METTL6: variants seen among roughly 807,000 people sequenced by gnomAD.
METTL6 encodes tRNA N(3)-cytidine methyltransferase METTL6.
METTL6 carries 22 observed loss-of-function variants against 26.4 expected under a neutral mutation model. The observed-to-expected ratio is 0.83, with a 90% confidence interval of 0.59 to 1.19. The LOEUF is 1.19. Among genes scored for constraint, METTL6 ranks in the 50% most tolerant of loss-of-function variants. The pLI is 0.00. For missense variants in METTL6, 304 were observed against 324.8 expected (o/e 0.94, Z 0.49); for synonymous variants, 109 against 116.2 (o/e 0.94, Z 0.40).
chr3:15,427,503 T>G lies in METTL6; in HGVS notation c.-226A>C. Reference sequence around the variant, plus strand: ...ACCACGAATTCGGATTATCCGGGAGTTCTTTTGCCATGGCACCGCCCCCGC... The same window carrying G: ...ACCACGAATTCGGATTATCCGGGAGGTCTTTTGCCATGGCACCGCCCCCGC... On this transcript the variant is annotated 5_prime_UTR_variant, in exon 1 of 6. Transcript: ENST00000383790. The G allele has an allele frequency of 6.1e-6, 3 of 494,100 alleles. No homozygotes were observed. Among genetic ancestry groups the G allele is most frequent in the East Asian group, 4.0e-5 (1 of 25,030 alleles). 30.6% of individuals were successfully genotyped at this position (494,100 alleles called of 1,614,324 possible). A position where few individuals can be genotyped will look rare whatever the true frequency, so the allele number is the denominator to read the frequency against.
intron 3 of METTL6, among the ~76,000 whole-genome samples, chr3:15,418,644 C>T (rs2061544554): frequency 6.6e-6 from 1 of 152,004 alleles, no homozygotes; most frequent in African/African-American, 2.4e-5. Context: ...AAATAATGAC[C>T]CTAATTTTTC....
intron 3 of METTL6, among the ~76,000 whole-genome samples, chr3:15,416,972 A>G (rs1365367279): frequency 2.0e-5 from 3 of 152,236 alleles, no homozygotes; most frequent in African/African-American, 7.2e-5. Flanking sequence ...AATTCATCAT[A>G]AAGTAAAAAT....
Position 15,425,180 on chromosome 3 carries a change from C to T in METTL6, c.226-91G>A, listed in dbSNP as rs927612192. On this transcript the variant is annotated intron_variant, in intron 2 of 5. Coordinates refer to ENST00000383790, the MANE Select transcript of METTL6 (RefSeq NM_152396.4). Reference sequence around the variant, plus strand: ...AAAGGTCCAGAATATGAGAGGTCTCCGACCCCATGGAGCAGACGATCAACA... The same window carrying T: ...AAAGGTCCAGAATATGAGAGGTCTCTGACCCCATGGAGCAGACGATCAACA... 2.4e-5 allele frequency: 34 copies of T among 1,388,592 alleles called. 1 individual carries two copies. The highest frequency in any genetic ancestry group is 2.1e-4 in the East Asian group (9 of 43,416). 86.0% of individuals were successfully genotyped at this position (1,388,592 alleles called of 1,614,324 possible).
At chr3:15,392,004 G>A (rs543165274) in intron 6 of METTL6, among the ~76,000 whole-genome samples, 243 of 152,174 alleles carry the variant, frequency 1.6e-3, no homozygotes, top group South Asian at 4.6e-3. Context: ...AATCCTTTGG[G>A]TATATACCCA....
intron 6 of METTL6, among the ~76,000 whole-genome samples, chr3:15,397,509 C>G (rs1259075893): frequency 1.3e-5 from 2 of 152,170 alleles, no homozygotes; most frequent in South Asian, 2.1e-4. Context: ...CACTGTCTGA[C>G]AATCCCCAGT....
chr3:15,385,617 CA>C (rs1158268523), intron 6 of METTL6, among the ~76,000 whole-genome samples: 2 of 151,708 alleles, frequency 1.3e-5, no homozygotes, highest in Admixed American at 6.6e-5. Flanking sequence ...AACGAACGAA[CA>C]AAAAAACCCC....
At chr3:15,396,540 C>G (rs924151697) in intron 6 of METTL6, among the ~76,000 whole-genome samples, 3 of 152,208 alleles carry the variant, frequency 2.0e-5, no homozygotes, top group African/African-American at 7.2e-5. Flanking sequence ...TGAGGAGCTG[C>G]GTTCCTTTGG....
chr3:15,413,980 A>G (rs371686747), intron 5 of METTL6, 41 bp downstream of exon 5: 3 of 1,613,194 alleles, frequency 1.9e-6, no homozygotes, highest in South Asian at 2.2e-5. Flanking sequence ...AAACAGAAAC[A>G]AAGAATAAAA....
At chr3:15,413,630 T>C (rs1007711130) in intron 5 of METTL6, 1 of 1,176,522 alleles carries the variant, frequency 8.5e-7, no homozygotes, top group Non-Finnish European at 1.1e-6. Flanking sequence ...AGAAAAAGGT[T>C]TCCTGACTTT....
chr3:15,385,880 C>A (rs6442521), intron 6 of METTL6, among the ~76,000 whole-genome samples: 11,315 of 152,166 alleles, frequency 0.074, 530 homozygotes, highest in African/African-American at 0.12. Flanking sequence ...TAAAAAAGAG[C>A]TCTTAGAATT....
downstream of METTL6, among the ~76,000 whole-genome samples, chr3:15,407,078 A>C (rs950834703): frequency 6.6e-6 from 1 of 151,868 alleles, no homozygotes; most frequent in African/African-American, 2.4e-5. Flanking sequence ...GTGCAGTGGC[A>C]CAACCTGGGC....
intron 6 of METTL6, among the ~76,000 whole-genome samples, chr3:15,393,699 A>G (rs1699410352): frequency 6.6e-6 from 1 of 152,192 alleles, no homozygotes; most frequent in Non-Finnish European, 1.5e-5. Context: ...GAGAGTTTTT[A>G]GCATGAAGGG....
chr3:15,383,358 AAAT>A (rs2124880254), exon 7 of METTL6: 1 of 152,226 alleles, frequency 6.6e-6, no homozygotes, highest in South Asian at 2.1e-4. Flanking sequence ...AAAATTGTAA[AAAT>A]AATAACAATA....
intron 6 of METTL6, among the ~76,000 whole-genome samples, chr3:15,389,619 G>A (rs755711976): frequency 5.9e-5 from 9 of 151,772 alleles, no homozygotes; most frequent in Non-Finnish European, 1.0e-4. Context: ...GCGCAATCTC[G>A]GCTCACCACA....
At chr3:15,408,274 T>C (rs780564470), downstream of METTL6, among the ~76,000 whole-genome samples, 32 of 152,202 alleles carry the variant, frequency 2.1e-4, no homozygotes, top group Middle Eastern at 3.4e-3. Context: ...GTCATACAGG[T>C]ATGTTCACTC....
intron 6 of METTL6, among the ~76,000 whole-genome samples, chr3:15,393,012 AT>A (rs1461039737): frequency 6.6e-6 from 1 of 152,052 alleles, no homozygotes; most frequent in South Asian, 2.1e-4. Flanking sequence ...ACTTTAAAGT[AT>A]TTTTTTCCAA....
Position 15,411,164 on chromosome 3 carries a change from G to T in METTL6, c.*92C>A. 1 of 1,403,420 alleles carries T rather than the reference G, an allele frequency of 7.1e-7. No individual in the cohort carries two copies. 86.9% of individuals were successfully genotyped at this position (1,403,420 alleles called of 1,614,324 possible). A position where few individuals can be genotyped will look rare whatever the true frequency, so the allele number is the denominator to read the frequency against. ...CCAACCTCGGCCTCCCGAAGTGCTG[G>T]GATTACAGGCATGAGCCACCGCACC... On this transcript the variant is annotated 3_prime_UTR_variant, in exon 6 of 6. Coordinates refer to ENST00000383790, the MANE Select transcript of METTL6 (RefSeq NM_152396.4).
downstream of METTL6, among the ~76,000 whole-genome samples, chr3:15,405,435 G>A (rs1226212584): frequency 1.3e-5 from 2 of 152,144 alleles, no homozygotes; most frequent in Admixed American, 1.3e-4. Context: ...TATTTTCTAT[G>A]CTCTTCAATG....
rs912269429 is a variant in METTL6 at position 15,426,578 on chromosome 3, G to A, written c.-67C>T. ...CCATCACCAAATAATATGAATCCAC[G>A]CTAATGGATCAGATACATTTCCTGA... On this transcript the variant is annotated 5_prime_UTR_variant, in exon 2 of 6. Coordinates refer to ENST00000383790, the MANE Select transcript of METTL6 (RefSeq NM_152396.4). 6.5e-6 allele frequency: 9 copies of A among 1,388,036 alleles called. No individual in the cohort carries two copies. The Admixed American group carries it at 1.1e-4, about 17-fold the overall frequency. The allele number at this position is 1,388,036 out of a possible 1,614,324, so 86.0% of individuals were successfully genotyped here.
Sources: allele counts gnomAD v4.1 joint callset (sites outside exome capture counted in the v4.1 genomes callset), GRCh38; gene constraint gnomAD v4.1.1; transcripts MANE v1.5; gene names NCBI Gene and HGNC (gene_info 2026-07-23, HGNC 2026-07-21).